The following SDK2 variants were observed in gnomAD, a reference collection of about 807,000 sequenced individuals.
The protein encoded by SDK2 is sidekick cell adhesion molecule 2, also known as protein sidekick-2.
Under a neutral mutation model 253.9 loss-of-function variants are expected in SDK2, and 105 were observed. The observed-to-expected ratio is 0.41, with a 90% CI of 0.35 to 0.49. The LOEUF (loss-of-function observed/expected upper bound fraction) is 0.49, where lower values mean the gene tolerates loss of function less well. Ranked by LOEUF, SDK2 falls within the 20% of genes least tolerant of loss-of-function variation. The pLI is 0.06. For missense variants in SDK2, 2,608 were observed against 3,003.0 expected, an observed-to-expected ratio of 0.87 and a Z score of 3.07; for synonymous variants, 1,249 against 1,234.9, an observed-to-expected ratio of 1.01 and a Z score of -0.24.
intron 2 of SDK2, chr17:73,504,237 AGT>A (rs34971621): frequency 0.031 from 3,164 of 103,164 alleles, 74 homozygotes; most frequent in African/African-American, 0.08. Context: ...AGAGAGAGAA[AGT>A]GTGTGTGTGT....
In SDK2 at chr17:73,383,601, G is replaced by T. The variant is rs777907157; in HGVS notation, c.4705+275C>A. On this transcript the variant is annotated intron_variant, in intron 33 of 44. Transcript: ENST00000392650. The surrounding 1 kb of genome is among the most constrained non-coding windows in gnomAD (Gnocchi z 4.3). ...TCCTAGAATGTTTCCTTCCCAGCTC[G>T]CCTGGCTCCTCCTCCAGCCTGCAAC... Among the ~76,000 whole-genome samples the T allele has an allele frequency of 1.3e-5, 2 of 152,164 alleles. No homozygotes were observed. Among genetic ancestry groups the T allele is most frequent in the Non-Finnish European group, 2.9e-5 (2 of 68,028 alleles).
rs941054700 is a variant in SDK2 at position 73,352,732 on chromosome 17, C to G, written c.5594-95G>C. 88 of 1,239,376 alleles carry G rather than the reference C, an allele frequency of 7.1e-5. No homozygotes were observed. The highest frequency in any genetic ancestry group is 1.0e-4 in the Non-Finnish European group (88 of 870,892). 76.8% of individuals were successfully genotyped at this position (1,239,376 alleles called of 1,614,324 possible). The stretch of plus-strand genomic sequence containing the variant: ...CTGACTATGCTCCCTGAGGGCTGGG[C>G]CTGTTGGATCCTCCCTGCTCCACAC... On this transcript the variant is annotated intron_variant, in intron 40 of 44. Transcript: ENST00000392650. The surrounding 1 kb of genome is among the most constrained non-coding windows in gnomAD (Gnocchi z 4.1).
At chr17:73,438,305 C>T (rs183360334) in intron 6 of SDK2, among the ~76,000 whole-genome samples, 151 bp from the exon 7 acceptor site, 40 of 152,264 alleles carry the variant, frequency 2.6e-4, no homozygotes, top group Non-Finnish European at 5.0e-4. Flanking sequence ...AGATCTTGGG[C>T]AAGTTCCCAC....
intron 6 of SDK2, 68 bp from the exon 7 acceptor site, chr17:73,438,222 G>T: frequency 7.0e-7 from 1 of 1,432,468 alleles, no homozygotes; most frequent in Non-Finnish European, 9.5e-7. Context: ...GGCAGGGCAG[G>T]GGGTGGTAAG....
intron 1 of SDK2, among the ~76,000 whole-genome samples, chr17:73,626,174 A>T (rs779692551): frequency 3.3e-5 from 5 of 152,226 alleles, no homozygotes; most frequent in Non-Finnish European, 5.9e-5. Context: ...GCCAGGAGGG[A>T]GGAAGGACCT....
rs948857319 is a variant in SDK2, at chr17:73,481,295, C to G, written c.225-9077G>C. 6.6e-6 allele frequency among the ~76,000 whole-genome samples: 1 copy of G among 152,102 alleles called. No individual in the cohort carries two copies. Among genetic ancestry groups the G allele is most frequent in the African/African-American group, 2.4e-5 (1 of 41,414 alleles). ...ACTTGGGCACAGTGTGTTCCCCCCACCTTCTAGGGAACCTGAGGGTGGAGA... is the reference window on the plus strand; with the variant it reads ...ACTTGGGCACAGTGTGTTCCCCCCAGCTTCTAGGGAACCTGAGGGTGGAGA... On this transcript the variant is annotated intron_variant, in intron 2 of 44. Transcript: ENST00000392650. The surrounding 1 kb of genome is among the most constrained non-coding windows in gnomAD (Gnocchi z 4.5).
chr17:73,385,823 G>C, intron 32 of SDK2, 24 bp downstream of exon 32: 1 of 1,588,860 alleles, frequency 6.3e-7, no homozygotes, highest in Non-Finnish European at 8.6e-7. Flanking sequence ...TCTTCACGGA[G>C]GTTTCCTGCC....
chr17:73,512,572 CAT>C (rs1013212280), intron 1 of SDK2, among the ~76,000 whole-genome samples: 7 of 151,948 alleles, frequency 4.6e-5, no homozygotes, highest in African/African-American at 9.7e-5. Context: ...CACACACACA[CAT>C]ACACATACGA....
intron 36 of SDK2, among the ~76,000 whole-genome samples, chr17:73,376,324 A>T (rs1462667867): frequency 2.3e-5 from 3 of 131,946 alleles, no homozygotes; most frequent in African/African-American, 6.5e-5. Context: ...TAAGCTCACA[A>T]TGCTGGGCAC....
At chr17:73,340,813 GGCTC>G (rs2062429802) in intron 44 of SDK2, among the ~76,000 whole-genome samples, 1 of 53,952 alleles carries the variant, frequency 1.9e-5, no homozygotes, top group African/African-American at 4.0e-5. Context: ...GCACGATCTT[GGCTC>G]ACCTCAACCT....
At chr17:73,477,323 T>TG (rs1180627203) in intron 2 of SDK2, among the ~76,000 whole-genome samples, 1 of 149,830 alleles carries the variant, frequency 6.7e-6, no homozygotes, top group Non-Finnish European at 1.5e-5. Context: ...ACCCCGGGGG[T>TG]GGGGGGTGGA....
At chr17:73,373,653 ATCT>A (rs1011930622) in intron 36 of SDK2, among the ~76,000 whole-genome samples, 2 of 151,958 alleles carry the variant, frequency 1.3e-5, no homozygotes, top group South Asian at 4.2e-4. Flanking sequence ...CCATTTATAT[ATCT>A]TCTTTTTTCT....
In SDK2 at chr17:73,614,428, C is replaced by T. The variant is rs2046021317; in HGVS notation, c.64+29597G>A. Among the ~76,000 whole-genome samples, 3 of 151,654 alleles carry T rather than the reference C, an allele frequency of 2.0e-5. No individual in the cohort carries two copies. The South Asian group carries it at 6.3e-4, about 32-fold the overall frequency. ...CATATTGGATTTACCTGCTTATACT[C>T]GTTTCCCCCTAGATGACTGTGAGTC... On this transcript the variant is annotated intron_variant, in intron 1 of 44. Transcript: ENST00000392650.
chr17:73,591,760 AC>A (rs930033349), intron 1 of SDK2, among the ~76,000 whole-genome samples: 1 of 151,894 alleles, frequency 6.6e-6, no homozygotes. Context: ...CCCATCCAGC[AC>A]CCCCTACTCA....
chr17:73,349,906 C>T (rs768893812), intron 43 of SDK2, among the ~76,000 whole-genome samples: 1 of 152,186 alleles, frequency 6.6e-6, no homozygotes, highest in African/African-American at 2.4e-5. Context: ...TGGCTCCGAA[C>T]ATCAGTAGGT....
chr17:73,447,390 C>G lies in SDK2; in HGVS notation c.613+225G>C, dbSNP rs182750213. 4.4e-4 allele frequency among the ~76,000 whole-genome samples: 67 copies of G among 152,258 alleles called. No individual in the cohort carries two copies. The highest frequency in any genetic ancestry group is 8.8e-5 in the Non-Finnish European group (6 of 68,022). On this transcript the variant is annotated intron_variant, in intron 5 of 44. Transcript: ENST00000392650. The surrounding 1 kb of genome is among the most constrained non-coding windows in gnomAD (Gnocchi z 4.0). ...CATCCTCTCTACCGATGCAGGATCT[C>G]AGGCGTGTCATGGGAACGGGCTCCA... is the stretch of plus-strand genomic sequence containing the variant.
intron 2 of SDK2, among the ~76,000 whole-genome samples, chr17:73,492,977 G>A (rs1280251912): frequency 1.3e-5 from 2 of 152,246 alleles, no homozygotes; most frequent in African/African-American, 4.8e-5. Flanking sequence ...AAGGCCGGGC[G>A]CAGGAGGACC....
intron 2 of SDK2, among the ~76,000 whole-genome samples, chr17:73,504,112 A>T (rs7207590): frequency 2.0e-5 from 3 of 151,570 alleles, no homozygotes; most frequent in African/African-American, 4.9e-5. Flanking sequence ...AATAATGAGA[A>T]GGCAAAAAAG....
chr17:73,581,423 C>T (rs1032618102), intron 1 of SDK2, among the ~76,000 whole-genome samples: 5 of 152,228 alleles, frequency 3.3e-5, no homozygotes, highest in African/African-American at 1.2e-4. Context: ...CACCCACTCT[C>T]ACATATCATC....
Sources: gnomAD v4.1 joint callset for allele counts (sites outside exome capture counted in the v4.1 genomes callset) on GRCh38, gnomAD v4.1.1 for gene constraint, Gnocchi (gnomAD v3.1) non-coding constraint, MANE v1.5 for transcripts, NCBI Gene and HGNC (gene_info 2026-07-23, HGNC 2026-07-21) for gene names.